Variants in TIAM1 observed in about 807,000 individuals in gnomAD.
The protein encoded by TIAM1 is TIAM Rac1 associated GEF 1, also known as rho guanine nucleotide exchange factor TIAM1.
A neutral mutation model predicts 163.5 loss-of-function variants in TIAM1; 65 were observed. That is an observed-to-expected ratio of 0.40 (90% confidence interval 0.33 to 0.49). The LOEUF is 0.49. TIAM1 is among the 20% of genes least tolerant of loss of function. The pLI is 0.77. For synonymous variants in TIAM1, 833 were observed against 810.1 expected, an observed-to-expected ratio of 1.03 and a Z score of -0.48; for missense variants, 1,789 against 2,044.7, an observed-to-expected ratio of 0.87 and a Z score of 2.41.
intron 13 of TIAM1, among the ~76,000 whole-genome samples, chr21:31,190,759 G>A (rs2085520285): frequency 6.6e-6 from 1 of 152,180 alleles, no homozygotes; most frequent in Non-Finnish European, 1.5e-5. Flanking sequence ...CTGAGATGGA[G>A]AGAGAGGCAA....
At chr21:31,206,936 T>TACACACACACACACACACACAC (rs142792769) in intron 11 of TIAM1, among the ~76,000 whole-genome samples, 1 of 151,250 alleles carries the variant, frequency 6.6e-6, no homozygotes, top group African/African-American at 2.4e-5. Context: ...GAAATATGTA[T>TACACACACACACACACACACAC]ACACACACAC....
chr21:31,214,101 G>A (rs1292317563), intron 9 of TIAM1, among the ~76,000 whole-genome samples: 1 of 152,054 alleles, frequency 6.6e-6, no homozygotes, highest in Non-Finnish European at 1.5e-5. Flanking sequence ...GAGGCAGGAG[G>A]ATTGCTCCAG....
chr21:31,150,858 T>C (rs73191656), intron 19 of TIAM1, among the ~76,000 whole-genome samples: 1 of 152,246 alleles, frequency 6.6e-6, no homozygotes, highest in Non-Finnish European at 1.5e-5. Flanking sequence ...TTATAAAGGA[T>C]ATACAAAGAA....
chr21:31,223,384 A>G (rs1003748600), intron 8 of TIAM1, 22 bp downstream of exon 8: 2 of 1,581,236 alleles, frequency 1.3e-6, no homozygotes, highest in Non-Finnish European at 1.7e-6. Context: ...TGTTTTTCAA[A>G]AATTCATTAG....
rs2087915370 is a variant in TIAM1 at position 31,225,680 on chromosome 21, G to A, written c.1809+46C>T. 5 of 1,397,594 alleles carry A rather than the reference G, an allele frequency of 3.6e-6. No individual in the cohort carries two copies. The Admixed American group carries it at 5.5e-5, about 15-fold the overall frequency. The allele number at this position is 1,397,594 out of a possible 1,614,324, so 86.6% of individuals were successfully genotyped here. ...GCAAAAAAAAAAAAAAACCCTTTTAGAGACCTAACAATTTTGTCCGGACCT... is the reference window on the plus strand; with the variant it reads ...GCAAAAAAAAAAAAAAACCCTTTTAAAGACCTAACAATTTTGTCCGGACCT... On this transcript the variant is annotated intron_variant, in intron 7 of 27. Coordinates refer to ENST00000541036, the MANE Select transcript of TIAM1 (RefSeq NM_001353694.2).
At chr21:31,415,539 G>A (rs747058358) in intron 2 of TIAM1, among the ~76,000 whole-genome samples, 4 of 152,086 alleles carry the variant, frequency 2.6e-5, no homozygotes, top group Non-Finnish European at 4.4e-5. Flanking sequence ...AGGACCCAAT[G>A]TCCTCATTCC....
At chr21:31,479,625 G>A (rs1311399259) in intron 1 of TIAM1, among the ~76,000 whole-genome samples, 1 of 152,018 alleles carries the variant, frequency 6.6e-6, no homozygotes, top group Non-Finnish European at 1.5e-5. Context: ...CATAGAAATC[G>A]ACAAAACACT....
intron 11 of TIAM1, among the ~76,000 whole-genome samples, chr21:31,203,232 C>T (rs1639732513): frequency 6.6e-6 from 1 of 152,164 alleles, no homozygotes; most frequent in Non-Finnish European, 1.5e-5. Context: ...AAGTGATTCT[C>T]CTGCCTCAGC....
chr21:31,553,249 C>T (rs943819751), intron 1 of TIAM1, among the ~76,000 whole-genome samples: 5 of 152,160 alleles, frequency 3.3e-5, no homozygotes, highest in African/African-American at 1.2e-4. Context: ...GGGGCCTTAG[C>T]AGTGTGGAGA....
At chr21:31,537,043 C>T (rs776589113) in intron 1 of TIAM1, among the ~76,000 whole-genome samples, 5 of 152,230 alleles carry the variant, frequency 3.3e-5, no homozygotes, top group Non-Finnish European at 5.9e-5. Context: ...CTGGTAGCTC[C>T]GGGCGGCTTC....
At chr21:31,387,609 C>T (rs1024559583) in intron 2 of TIAM1, among the ~76,000 whole-genome samples, 2 of 152,060 alleles carry the variant, frequency 1.3e-5, no homozygotes, top group Non-Finnish European at 1.5e-5. Context: ...GTCCTTGTCC[C>T]ACGGAGGTAG....
intron 2 of TIAM1, among the ~76,000 whole-genome samples, chr21:31,283,682 C>T (rs532987736): frequency 6.6e-6 from 1 of 152,202 alleles, no homozygotes; most frequent in South Asian, 2.1e-4. Context: ...GTAGTTGGGA[C>T]TACAAGCGCA....
chr21:31,240,204 A>G (rs2071092845), intron 6 of TIAM1, among the ~76,000 whole-genome samples: 1 of 152,136 alleles, frequency 6.6e-6, no homozygotes, highest in African/African-American at 2.4e-5. Flanking sequence ...TGCCATCAAC[A>G]TCAATGGGGG....
chr21:31,481,118 T>C (rs898728780), intron 1 of TIAM1, among the ~76,000 whole-genome samples: 6 of 152,152 alleles, frequency 3.9e-5, no homozygotes, highest in Admixed American at 6.5e-5. Context: ...GCTGTCTGCA[T>C]TGGTTTCTGG....
At chr21:31,412,565 TG>T (rs1464613028) in intron 2 of TIAM1, among the ~76,000 whole-genome samples, 1 of 151,936 alleles carries the variant, frequency 6.6e-6, no homozygotes, top group Non-Finnish European at 1.5e-5. Context: ...GTGGATCACC[TG>T]GGGTCAGGAG....
At chr21:31,205,103 G>T (rs2086384711) in intron 11 of TIAM1, among the ~76,000 whole-genome samples, 1 of 152,210 alleles carries the variant, frequency 6.6e-6, no homozygotes, top group Non-Finnish European at 1.5e-5. Flanking sequence ...GCTACTTACT[G>T]CTGGAGAATC....
chr21:31,309,881 A>G lies in TIAM1; in HGVS notation c.-189+29362T>C, dbSNP rs569928770. On this transcript the variant is annotated intron_variant, in intron 2 of 27. Transcript: ENST00000541036. The stretch of plus-strand genomic sequence containing the variant: ...AAAGAAGAAAAGTCTCCAGCATTTT[A>G]AAAAGTAAAAAACCCAAATCCCCTT... Among the ~76,000 whole-genome samples, 9 of 152,362 alleles carry G rather than the reference A, an allele frequency of 5.9e-5. No homozygotes were observed. The South Asian group carries it at 1.7e-3, about 28-fold the overall frequency.
At position 31,499,394 on chromosome 21, in the gene TIAM1, T is replaced by C. The variant is rs1431343882; in HGVS notation, c.-421-35359A>G. Among the ~76,000 whole-genome samples, 4 of 151,104 alleles carry C rather than the reference T, an allele frequency of 2.6e-5. No individual in the cohort carries two copies. The South Asian group carries it at 6.3e-4, about 24-fold the overall frequency. On this transcript the variant is annotated intron_variant, in intron 1 of 28. Coordinates refer to the TIAM1 transcript ENST00000286827. Reference sequence around the variant, plus strand: ...GGGCAACACGGTGAAATCGCATCTCTATAAAAAATACCAAAAATTAGCCAG... The same window carrying C: ...GGGCAACACGGTGAAATCGCATCTCCATAAAAAATACCAAAAATTAGCCAG...
At chr21:31,359,391 T>G (rs1009703264) in intron 2 of TIAM1, among the ~76,000 whole-genome samples, 1 of 152,170 alleles carries the variant, frequency 6.6e-6, no homozygotes, top group Non-Finnish European at 1.5e-5. Context: ...TAAATACATT[T>G]GTTGAGTGAA....
Sources: gnomAD v4.1 joint callset for allele counts (sites outside exome capture counted in the v4.1 genomes callset) on GRCh38, gnomAD v4.1.1 for gene constraint, MANE v1.5 for transcripts, NCBI Gene and HGNC (gene_info 2026-07-23, HGNC 2026-07-21) for gene names.